The following ALDH1L1 variants were observed in gnomAD, a reference collection of about 807,000 sequenced individuals.
The protein encoded by ALDH1L1 is aldehyde dehydrogenase 1 family member L1.
In ALDH1L1, 68 loss-of-function variants were observed where a neutral mutation model predicts 101.1. The observed-to-expected ratio is 0.67, with a 90% confidence interval of 0.55 to 0.82. ALDH1L1 has a LOEUF of 0.82. Ranked by LOEUF, ALDH1L1 falls within the 40% of genes least tolerant of loss-of-function variation. ALDH1L1 has a pLI of 0.00. For synonymous variants in ALDH1L1, 486 were observed against 470.8 expected (o/e 1.03, Z -0.42); for missense variants, 1,087 against 1,172.7 (o/e 0.93, Z 1.07).
intron 1 of ALDH1L1, among the ~76,000 whole-genome samples, chr3:126,195,929 A>C (rs1360197992): frequency 5.3e-5 from 8 of 152,138 alleles, no homozygotes; most frequent in Admixed American, 2.6e-4. Flanking sequence ...ACTTGGACAC[A>C]GGAAGGGGAA....
chr3:126,130,318 C>T, intron 13 of ALDH1L1, 25 bp from the exon 14 acceptor site: 1 of 1,581,096 alleles, frequency 6.3e-7, no homozygotes, highest in Non-Finnish European at 8.6e-7. Context: ...GGGGCAGTCA[C>T]CCAGGGGCCC....
Position 126,195,651 on chromosome 3 carries a change from G to A in ALDH1L1, c.-24+2084C>T, listed in dbSNP as rs546110732. Among the ~76,000 whole-genome samples the A allele has an allele frequency of 2.0e-5, 3 of 152,242 alleles. No individual in the cohort carries two copies. In the South Asian group the frequency reaches 6.2e-4, roughly 32 times the overall value. On this transcript the variant is annotated intron_variant, in intron 1 of 2. Transcript: ENST00000509952. ...GATTATAAATCATGCTGCTATAAAGGCACATGCACACATATATTTATTGTG... is the reference window on the plus strand; with the variant it reads ...GATTATAAATCATGCTGCTATAAAGACACATGCACACATATATTTATTGTG...
chr3:126,104,200 C>G (rs1157184440), intron 22 of ALDH1L1: 2 of 312,910 alleles, frequency 6.4e-6, no homozygotes, highest in East Asian at 1.4e-4. Flanking sequence ...ATGGCTGCCC[C>G]CAGCTACGTC....
Position 126,166,255 on chromosome 3 carries a change from G to A in ALDH1L1, c.-23-5253C>T, listed in dbSNP as rs185453606. ...GGCCAGGGTTAAAGGCATTGCTCAC[G>A]TTCATGTCCCCTTCTCCATGTCTGA... On this transcript the variant is annotated intron_variant, in intron 1 of 22. Coordinates refer to ENST00000393434, the MANE Select transcript of ALDH1L1 (RefSeq NM_012190.4). Among the ~76,000 whole-genome samples the A allele has an allele frequency of 4.1e-4, 63 of 152,208 alleles. 3 individuals are homozygous for A. In the East Asian group the frequency reaches 7.7e-3, roughly 19 times the overall value.
chr3:126,173,109 A>T (rs2081312081), intron 1 of ALDH1L1, among the ~76,000 whole-genome samples: 1 of 152,224 alleles, frequency 6.6e-6, no homozygotes, highest in Admixed American at 6.5e-5. Flanking sequence ...TAAAAGAAGT[A>T]ATTCAGAAAA....
chr3:126,158,348 C>G, intron 3 of ALDH1L1, 57 bp downstream of exon 3: 1 of 1,442,936 alleles, frequency 6.9e-7, no homozygotes, highest in Admixed American at 2.1e-5. Context: ...AGTGACAAGT[C>G]AGGCTGATGG....
At chr3:126,175,378 A>G (rs546010914) in intron 1 of ALDH1L1, among the ~76,000 whole-genome samples, 1 of 152,278 alleles carries the variant, frequency 6.6e-6, no homozygotes, top group African/African-American at 2.4e-5. Context: ...TTGGGTCAGA[A>G]TTACCCTGGT....
In ALDH1L1 at chr3:126,126,144, AAGAAG is replaced by A. The variant is rs1338870697; in HGVS notation, c.1695-428_1695-424del. 3.3e-5 allele frequency among the ~76,000 whole-genome samples: 5 copies of A among 152,240 alleles called. No individual in the cohort carries two copies. The East Asian group carries it at 9.7e-4, about 29-fold the overall frequency. ...AGTGTGAGGCCAGGTGTCAATCCTC[AAGAAG>A]AGAAGACAGAGTCAGCAAGGCAGCA... On this transcript the variant is annotated intron_variant, in intron 14 of 22. Coordinates refer to ENST00000393434, the MANE Select transcript of ALDH1L1 (RefSeq NM_012190.4).
chr3:126,186,480 A>C (rs2081519124), upstream of ALDH1L1, among the ~76,000 whole-genome samples: 1 of 152,028 alleles, frequency 6.6e-6, no homozygotes, highest in Non-Finnish European at 1.5e-5. Context: ...CAGGGCCCTG[A>C]CCCTGACCCT....
At chr3:126,112,633 T>G (rs1946114219) in intron 19 of ALDH1L1, 149 bp downstream of exon 19, 1 of 688,144 alleles carries the variant, frequency 1.5e-6, no homozygotes, top group East Asian at 2.6e-5. Context: ...CAGCTCCCGC[T>G]GTGGGTTCCC....
chr3:126,175,614 A>G (rs1488054715), intron 1 of ALDH1L1, among the ~76,000 whole-genome samples: 1 of 152,166 alleles, frequency 6.6e-6, no homozygotes, highest in African/African-American at 2.4e-5. Flanking sequence ...ACATCAATAG[A>G]TCCAGAAAAT....
chr3:126,196,856 GACAAAACCTTAGCTACTGAGCT>G (rs904359144), intron 1 of ALDH1L1, among the ~76,000 whole-genome samples: 2 of 152,200 alleles, frequency 1.3e-5, no homozygotes, highest in Non-Finnish European at 2.9e-5. Flanking sequence ...AATGTGAAAG[GACAAAACCTTAGCTACTGAGCT>G]ACAATACTGG....
At chr3:126,145,855 A>T (rs1372321850) in intron 9 of ALDH1L1, among the ~76,000 whole-genome samples, 1 of 152,230 alleles carries the variant, frequency 6.6e-6, no homozygotes, top group Admixed American at 6.5e-5. Flanking sequence ...TTAAAAGGAC[A>T]TATACTCTTA....
chr3:126,195,412 C>A (rs748893919), intron 1 of ALDH1L1, among the ~76,000 whole-genome samples: 11 of 152,156 alleles, frequency 7.2e-5, no homozygotes, highest in African/African-American at 2.7e-4. Context: ...ACACACTCAA[C>A]ACATATATAA....
chr3:126,123,480 A>G (rs1024060343), intron 16 of ALDH1L1, among the ~76,000 whole-genome samples: 1 of 152,058 alleles, frequency 6.6e-6, no homozygotes, highest in Non-Finnish European at 1.5e-5. Context: ...CTGGTCTTGA[A>G]TTCCTGACCT....
At chr3:126,196,277 G>C (rs985661538) in intron 1 of ALDH1L1, among the ~76,000 whole-genome samples, 1 of 152,018 alleles carries the variant, frequency 6.6e-6, no homozygotes, top group Non-Finnish European at 1.5e-5. Context: ...CAAAAATTAA[G>C]GGTCTCATTT....
Position 126,146,831 on chromosome 3 carries a change from T to C in ALDH1L1, c.1076+4A>G. The C allele has an allele frequency of 6.2e-7, 1 of 1,613,916 alleles. No individual in the cohort carries two copies. Among genetic ancestry groups the C allele is most frequent in the Non-Finnish European group, 8.5e-7 (1 of 1,179,866 alleles). On this transcript the variant is annotated splice_donor_region_variant and intron_variant, in intron 9 of 22. Coordinates refer to ENST00000393434, the MANE Select transcript of ALDH1L1 (RefSeq NM_012190.4). ...GGACAGGACCCCTCCACTCCTGGCC[T>C]TACCTCACAACGTCCACAGACGCGG...
intron 12 of ALDH1L1, 35 bp from the exon 13 acceptor site, chr3:126,131,569 A>T (rs1410168821): frequency 1.9e-6 from 3 of 1,587,894 alleles, no homozygotes; most frequent in Non-Finnish European, 2.6e-6. Context: ...AGGTGGGCTC[A>T]GGCCTGGCAC....
intron 1 of ALDH1L1, among the ~76,000 whole-genome samples, chr3:126,189,850 C>T (rs569632857): frequency 1.3e-4 from 20 of 152,144 alleles, no homozygotes; most frequent in African/African-American, 3.1e-4. Flanking sequence ...TCTGATTCCC[C>T]GCAAAGCCAA....
Sources: allele counts gnomAD v4.1 joint callset (sites outside exome capture counted in the v4.1 genomes callset), GRCh38; gene constraint gnomAD v4.1.1; transcripts MANE v1.5; gene names NCBI Gene and HGNC (gene_info 2026-07-23, HGNC 2026-07-21).